PEAK1: variants seen among roughly 807,000 people sequenced by gnomAD.
PEAK1 encodes the protein pseudopodium enriched atypical kinase 1, also known as inactive tyrosine-protein kinase PEAK1.
In PEAK1, 54 loss-of-function variants were observed where a neutral mutation model predicts 124.7. The ratio of observed to expected loss-of-function variants is 0.43; its 90% CI spans 0.35 to 0.54. PEAK1 has a LOEUF of 0.54. Among genes scored for constraint, PEAK1 ranks in the 20% least tolerant of loss-of-function variants. The pLI is 0.01. For missense variants in PEAK1, 2,046 were observed against 2,134.5 expected (o/e 0.96, Z 0.82); for synonymous variants, 719 against 760.0 (o/e 0.95, Z 0.89).
intron 1 of PEAK1, among the ~76,000 whole-genome samples, chr15:77,370,118 T>C (rs2068539278): frequency 6.6e-6 from 1 of 152,158 alleles, no homozygotes; most frequent in South Asian, 2.1e-4. Context: ...TACTAAGATA[T>C]TCTCTAAACC....
At chr15:77,358,210 T>C (rs923725757) in intron 2 of PEAK1, among the ~76,000 whole-genome samples, 1 of 152,162 alleles carries the variant, frequency 6.6e-6, no homozygotes, top group South Asian at 2.1e-4. Context: ...TGTTTCCTTT[T>C]TCCCCTACCT....
rs562650796 is a variant in PEAK1 at position 77,413,390 on chromosome 15, A to T, written c.-666+6616T>A. ...ACAGTGGACAAACCTAGCAGAAACC[A>T]CCGTAACAGAGTGCTCACAAGTGAT... On this transcript the variant is annotated intron_variant, in intron 1 of 9. Transcript: ENST00000682557. Among the ~76,000 whole-genome samples the T allele has an allele frequency of 2.0e-5, 3 of 152,302 alleles. No homozygotes were observed. In the East Asian group the frequency reaches 5.8e-4, roughly 29 times the overall value.
intron 1 of PEAK1, among the ~76,000 whole-genome samples, chr15:77,414,486 C>A (rs1016860711): frequency 8.6e-5 from 13 of 151,326 alleles, no homozygotes; most frequent in Non-Finnish European, 1.5e-5. Flanking sequence ...AGTGCTGGGA[C>A]TACAGGTATG....
chr15:77,175,769 T>C (rs370441146), intron 7 of PEAK1, among the ~76,000 whole-genome samples: 20 of 152,284 alleles, frequency 1.3e-4, no homozygotes, highest in Admixed American at 3.9e-4. Context: ...ACCCAAAGGA[T>C]TATAAATCAT....
chr15:77,133,955 T>C lies in PEAK1; in HGVS notation c.3332-205A>G, dbSNP rs894570614. ...TCCAAGCCTTGGTGGGAACGACAAA[T>C]ATGCATAATGTCTTGGCCTTGTCTA... is the stretch of plus-strand genomic sequence containing the variant. On this transcript the variant is annotated intron_variant, in intron 8 of 9. Coordinates refer to ENST00000682557, the MANE Select transcript of PEAK1 (RefSeq NM_001385026.1). This position sits in a 1 kb window ranked among gnomAD's most constrained non-coding sequence, Gnocchi z 4.2. 3.9e-5 allele frequency among the ~76,000 whole-genome samples: 6 copies of C among 152,094 alleles called. No homozygotes were observed. Among genetic ancestry groups the C allele is most frequent in the African/African-American group, 1.4e-4 (6 of 41,396 alleles).
At chr15:77,185,466 G>A (rs1051347782) in intron 6 of PEAK1, among the ~76,000 whole-genome samples, 1 of 152,180 alleles carries the variant, frequency 6.6e-6, no homozygotes, top group Admixed American at 6.5e-5. Flanking sequence ...AGCCAGATGA[G>A]GAAATGTCAT....
At chr15:77,266,855 T>C (rs1354704694) in intron 5 of PEAK1, among the ~76,000 whole-genome samples, 8 of 152,162 alleles carry the variant, frequency 5.3e-5, no homozygotes, top group Admixed American at 2.0e-4. Context: ...GCTGGATTGC[T>C]GCTGTAGGCT....
chr15:77,263,636 C>A, intron 5 of PEAK1, among the ~76,000 whole-genome samples: 1 of 152,074 alleles, frequency 6.6e-6, no homozygotes, highest in Non-Finnish European at 1.5e-5. Flanking sequence ...CAAAAAAAGG[C>A]CAGGACCAGA....
At chr15:77,249,102 G>A (rs545020645) in intron 6 of PEAK1, among the ~76,000 whole-genome samples, 12 of 152,070 alleles carry the variant, frequency 7.9e-5, no homozygotes, top group Admixed American at 1.3e-4. Context: ...GGTTACAGGC[G>A]TGAGCCATGG....
intron 6 of PEAK1, among the ~76,000 whole-genome samples, chr15:77,212,798 G>T (rs529962789): frequency 6.6e-6 from 1 of 152,242 alleles, no homozygotes; most frequent in Non-Finnish European, 1.5e-5. Context: ...TTATGAGCCT[G>T]GCTTTTTATA....
At position 77,259,040 on chromosome 15, in the gene PEAK1, G is replaced by A. The variant is rs12909025; in HGVS notation, c.-274-6514C>T. ...TGCTGGATTACATTTATTGATTTGC[G>A]TATATTGAACCAGTCTATGGCTGAT... On this transcript the variant is annotated intron_variant, in intron 5 of 9. Transcript: ENST00000682557. 2.1e-3 allele frequency among the ~76,000 whole-genome samples: 326 copies of A among 152,182 alleles called. 1 individual carries two copies. Among genetic ancestry groups the A allele is most frequent in the African/African-American group, 5.6e-3 (234 of 41,528 alleles).
intron 1 of PEAK1, among the ~76,000 whole-genome samples, chr15:77,397,979 C>T (rs1433081187): frequency 1.3e-5 from 2 of 152,170 alleles, no homozygotes; most frequent in Admixed American, 6.5e-5. Flanking sequence ...GCAGGAGAAT[C>T]GCTTGAACCC....
intron 2 of PEAK1, among the ~76,000 whole-genome samples, chr15:77,296,734 G>A (rs2063506041): frequency 6.6e-6 from 1 of 151,546 alleles, no homozygotes; most frequent in African/African-American, 2.4e-5. Flanking sequence ...TTTATCCTAG[G>A]GCAGATTATT....
At chr15:77,347,387 G>C (rs956288026) in intron 2 of PEAK1, 2 of 985,232 alleles carry the variant, frequency 2.0e-6, no homozygotes, top group Admixed American at 6.2e-5. Flanking sequence ...GAATCAGAAA[G>C]AATCGGCATC....
chr15:77,117,209 G>A lies in PEAK1; in HGVS notation c.4078-1890C>T, dbSNP rs143285079. Among the ~76,000 whole-genome samples, 314 of 152,272 alleles carry A rather than the reference G, an allele frequency of 2.1e-3. 1 individual carries two copies. The highest frequency in any genetic ancestry group is 0.01 in the Middle Eastern group (3 of 292). On this transcript the variant is annotated intron_variant, in intron 9 of 9. Coordinates refer to ENST00000682557, the MANE Select transcript of PEAK1 (RefSeq NM_001385026.1). ...AAATTTGGCTGAATCAGATTGGATG[G>A]TTAAACTCTAGCTGTTACATTATAA...
At chr15:77,352,062 A>T in intron 2 of PEAK1, 1 of 848,018 alleles carries the variant, frequency 1.2e-6, no homozygotes, top group Non-Finnish European at 1.4e-6. Context: ...CTCTCCAAAA[A>T]TTTAAAAATT....
At position 77,113,973 on chromosome 15, in the gene PEAK1, ACT is replaced by A. The variant is rs2051132681; in HGVS notation, c.*181_*182del. ...CTGAATTTCTGTAAAGTTAAGACAG[ACT>A]CAGCTTCTCATTCAATCTGGGGCAG... On this transcript the variant is annotated 3_prime_UTR_variant, in exon 10 of 10. Coordinates refer to ENST00000682557, the MANE Select transcript of PEAK1 (RefSeq NM_001385026.1). 1.6e-6 allele frequency: 1 copy of A among 637,558 alleles called. No homozygotes were observed. The highest frequency in any genetic ancestry group is 1.8e-5 in the African/African-American group (1 of 54,854). The allele number at this position is 637,558 out of a possible 1,614,324, so 39.5% of individuals were successfully genotyped here. A position where few individuals can be genotyped will look rare whatever the true frequency, so the allele number is the denominator to read the frequency against.
At chr15:77,245,317 T>G (rs939180837) in intron 6 of PEAK1, among the ~76,000 whole-genome samples, 6 of 151,538 alleles carry the variant, frequency 4.0e-5, no homozygotes, top group Admixed American at 6.6e-5. Flanking sequence ...ATCATGCCAC[T>G]ATACTCTAGC....
intron 8 of PEAK1, among the ~76,000 whole-genome samples, chr15:77,151,814 T>G (rs1034062051): frequency 2.8e-4 from 43 of 152,212 alleles, no homozygotes; most frequent in African/African-American, 1.0e-3. Context: ...AAAGATCGGA[T>G]GGTTGTAGAT....
Sources: gnomAD v4.1 joint callset for allele counts (sites outside exome capture counted in the v4.1 genomes callset) on GRCh38, gnomAD v4.1.1 for gene constraint, Gnocchi (gnomAD v3.1) non-coding constraint, MANE v1.5 for transcripts, NCBI Gene and HGNC (gene_info 2026-07-23, HGNC 2026-07-21) for gene names.